Variants in RPRD1A observed in about 807,000 individuals in gnomAD.
The protein encoded by RPRD1A is regulation of nuclear pre-mRNA domain-containing protein 1A.
RPRD1A carries 9 observed loss-of-function variants against 37.8 expected under a neutral mutation model. The ratio of observed to expected loss-of-function variants is 0.24; its 90% CI spans 0.14 to 0.42. The LOEUF (loss-of-function observed/expected upper bound fraction) is 0.42. RPRD1A is among the 10% of genes least tolerant of loss of function. The pLI is 1.00. For missense variants in RPRD1A, 255 were observed against 371.0 expected (o/e 0.69, Z 2.57); for synonymous variants, 138 against 139.7 (o/e 0.99, Z 0.08).
At chr18:36,003,954 A>G (rs1909577626) in intron 6 of RPRD1A, among the ~76,000 whole-genome samples, 2 of 147,872 alleles carry the variant, frequency 1.4e-5, no homozygotes, top group Admixed American at 1.3e-4. Flanking sequence ...GCGCACCACC[A>G]CACCACACTT....
intron 2 of RPRD1A, 132 bp downstream of exon 2, chr18:36,033,576 A>T (rs1450553101): frequency 1.6e-6 from 1 of 641,298 alleles, no homozygotes; most frequent in Non-Finnish European, 2.4e-6. Flanking sequence ...TGTAGAGGGA[A>T]GTCTTTTCAA....
chr18:35,995,163 T>C (rs1297290981), intron 6 of RPRD1A, among the ~76,000 whole-genome samples: 6 of 152,152 alleles, frequency 3.9e-5, no homozygotes, highest in Non-Finnish European at 2.9e-5. Context: ...ATGAAAATAC[T>C]GGCTTGCTGA....
At chr18:36,052,615 G>C (rs1344744582) in intron 1 of RPRD1A, among the ~76,000 whole-genome samples, 2 of 151,966 alleles carry the variant, frequency 1.3e-5, no homozygotes, top group Admixed American at 6.6e-5. Flanking sequence ...TTGGGGGCGG[G>C]GGGGATGGAA....
chr18:36,062,332 A>AAAC (rs2088930796), intron 1 of RPRD1A, among the ~76,000 whole-genome samples: 1 of 149,818 alleles, frequency 6.7e-6, no homozygotes, highest in African/African-American at 2.5e-5. Flanking sequence ...TCAAAAAAAA[A>AAAC]AAAAAAAAAA....
At chr18:36,040,293 T>C (rs1912489542) in intron 1 of RPRD1A, among the ~76,000 whole-genome samples, 2 of 152,210 alleles carry the variant, frequency 1.3e-5, no homozygotes, top group South Asian at 2.1e-4. Context: ...CATTAGCTAC[T>C]AGGAATAAAA....
At chr18:36,053,420 C>T (rs1233934131) in intron 1 of RPRD1A, among the ~76,000 whole-genome samples, 6 of 152,148 alleles carry the variant, frequency 3.9e-5, no homozygotes, top group Admixed American at 1.3e-4. Context: ...CATGAAAATA[C>T]GTGACTTTTT....
chr18:36,050,874 T>G (rs1045813166), intron 1 of RPRD1A, among the ~76,000 whole-genome samples: 1 of 151,962 alleles, frequency 6.6e-6, no homozygotes, highest in South Asian at 2.1e-4. Flanking sequence ...TTTTCTTTTT[T>G]TTTTTTACTG....
At chr18:36,031,170 G>A (rs866329559) in intron 2 of RPRD1A, 73 bp from the exon 3 acceptor site, 12 of 1,418,630 alleles carry the variant, frequency 8.5e-6, no homozygotes, top group Admixed American at 3.2e-5. Context: ...AAAGGTTAAC[G>A]GTAACTTTAA....
rs377216293 is a variant in RPRD1A at position 36,031,099 on chromosome 18, TAAAAA to T, written c.282-7_282-3del. On this transcript the variant is annotated splice_polypyrimidine_tract_variant and splice_region_variant and intron_variant, in intron 2 of 6. Coordinates refer to ENST00000399022, the MANE Select transcript of RPRD1A (RefSeq NM_018170.5). ...TTCTTACAACTTTCATCAGTTTCAC[TAAAAA>T]AAAAAAAAAAGAAAAAAAGAAAAAT... The T allele has an allele frequency of 1.4e-5, 19 of 1,370,624 alleles. No individual in the cohort carries two copies. The highest frequency in any genetic ancestry group is 7.0e-5 in the Admixed American group (2 of 28,694). The allele number at this position is 1,370,624 out of a possible 1,614,324, so 84.9% of individuals were successfully genotyped here. A position where few individuals can be genotyped will look rare whatever the true frequency, so the allele number is the denominator to read the frequency against.
chr18:36,005,571 A>G (rs914857739), intron 6 of RPRD1A, among the ~76,000 whole-genome samples: 16 of 152,232 alleles, frequency 1.1e-4, no homozygotes, highest in Non-Finnish European at 2.2e-4. Context: ...TAAAGTACCC[A>G]GAAGTATCCA....
Position 36,026,933 on chromosome 18 carries a change from C to T in RPRD1A, c.756G>A (p.Lys252=), listed in dbSNP as rs749855322. The change falls in exon 6 of 7, where the codon AAG becomes AAA. Residue 252 remains lysine (K), a synonymous_variant. Coordinates refer to ENST00000399022, the MANE Select transcript of RPRD1A (RefSeq NM_018170.5). The stretch of plus-strand genomic sequence containing the variant: ...TATGCTCTTTCTCTGCAAGGGCTTC[C>T]TTTTGACAACGAAGAAAATCTGCTA... ...RMLADFLRCQ[K]EALAEKEHKL... The T allele has an allele frequency of 1.9e-6, 3 of 1,613,768 alleles. No individual in the cohort carries two copies. Among genetic ancestry groups the T allele is most frequent in the Non-Finnish European group, 2.5e-6 (3 of 1,179,840 alleles).
chr18:36,066,700 C>T (rs1202262200), intron 1 of RPRD1A, among the ~76,000 whole-genome samples: 5 of 152,232 alleles, frequency 3.3e-5, no homozygotes, highest in Non-Finnish European at 7.3e-5. Flanking sequence ...TCAGGTAAGG[C>T]ATCTGCAACG....
At chr18:36,043,401 C>T (rs925126470) in intron 1 of RPRD1A, among the ~76,000 whole-genome samples, 2 of 152,000 alleles carry the variant, frequency 1.3e-5, no homozygotes, top group African/African-American at 4.8e-5. Context: ...TTAAGGAGAA[C>T]AAAAGAACAC....
At chr18:36,033,564 C>G (rs1911966508) in intron 2 of RPRD1A, 144 bp downstream of exon 2, 1 of 568,386 alleles carries the variant, frequency 1.8e-6, no homozygotes. Flanking sequence ...TTATAAATGC[C>G]ATGTAGAGGG....
intron 6 of RPRD1A, among the ~76,000 whole-genome samples, chr18:36,009,615 T>C (rs186163647): frequency 3.9e-5 from 6 of 152,376 alleles, no homozygotes; most frequent in African/African-American, 1.4e-4. Context: ...ATATTACATA[T>C]ACAATTTCTT....
intron 1 of RPRD1A, among the ~76,000 whole-genome samples, chr18:36,037,813 G>GTGAC (rs1044510194): frequency 9.8e-5 from 15 of 152,304 alleles, no homozygotes; most frequent in African/African-American, 3.6e-4. Flanking sequence ...TGGAATAAAG[G>GTGAC]TGACTCTCAC....
intron 1 of RPRD1A, among the ~76,000 whole-genome samples, chr18:36,065,444 T>C (rs540082933): frequency 6.6e-6 from 1 of 152,342 alleles, no homozygotes; most frequent in Admixed American, 6.5e-5. Context: ...ATTCTCAAAC[T>C]AATGGAATGG....
intron 1 of RPRD1A, among the ~76,000 whole-genome samples, chr18:36,065,573 C>G (rs961801265): frequency 3.9e-5 from 6 of 152,140 alleles, no homozygotes; most frequent in Admixed American, 1.3e-4. Context: ...GAGAACAATA[C>G]TTATTTCTAG....
At chr18:36,054,601 A>G (rs527381279) in intron 1 of RPRD1A, among the ~76,000 whole-genome samples, 2 of 152,264 alleles carry the variant, frequency 1.3e-5, no homozygotes, top group South Asian at 2.1e-4. Flanking sequence ...ACAGAGAGAG[A>G]GGGAGAGAGA....
Sources: gnomAD v4.1 joint callset for allele counts (sites outside exome capture counted in the v4.1 genomes callset) on GRCh38, gnomAD v4.1.1 for gene constraint, MANE v1.5 for transcripts, NCBI Gene and HGNC (gene_info 2026-07-23, HGNC 2026-07-21) for gene names.